MMGT1: variants seen among roughly 807,000 people sequenced by gnomAD.
MMGT1 encodes membrane magnesium transporter 1, also known as ER membrane protein complex subunit 5.
Under a neutral mutation model 11.7 loss-of-function variants are expected in MMGT1, and 2 were observed. The observed-to-expected ratio is 0.17, with a 90% CI of 0.07 to 0.54. MMGT1 has a LOEUF of 0.54. MMGT1 is among the 20% of genes least tolerant of loss of function. The pLI is 0.94. For missense variants in MMGT1, 74 were observed against 109.0 expected (o/e 0.68, Z 1.43); for synonymous variants, 49 against 44.4 (o/e 1.10, Z -0.41).
In MMGT1 at chrX:135,960,738, C is replaced by T. The variant is rs1218610724; in HGVS notation, c.*4286G>A. On this transcript the variant is annotated 3_prime_UTR_variant, in exon 4 of 4. Coordinates refer to ENST00000305963, the MANE Select transcript of MMGT1 (RefSeq NM_173470.3). ...CATGACAATGGACCAATTTTCTTAG[C>T]TTACAAAAAGCTCATACAAATCAAT... 1.8e-5 allele frequency among the ~76,000 whole-genome samples: 2 copies of T among 111,632 alleles called. No homozygotes were observed. The highest frequency in any genetic ancestry group is 3.8e-5 in the Non-Finnish European group (2 of 53,057).
In MMGT1 at chrX:135,964,922, G is replaced by A; in HGVS notation, c.*102C>T. ...TTTTTTTACTAAAGTAGGTCTGAAA[G>A]ATCAATATAAATACTAATGGGGGCA... On this transcript the variant is annotated 3_prime_UTR_variant, in exon 4 of 4. Transcript: ENST00000305963. 1.4e-6 allele frequency: 1 copy of A among 707,952 alleles called. No homozygotes were observed. The highest frequency in any genetic ancestry group is 3.1e-5 in the Admixed American group (1 of 32,484). The allele number at this position is 707,952 out of a possible 1,213,427, so 58.3% of individuals were successfully genotyped here. A position where few individuals can be genotyped will look rare whatever the true frequency, so the allele number is the denominator to read the frequency against.
chrX:135,963,343 T>G lies in MMGT1; in HGVS notation c.*1681A>C, dbSNP rs1324420777. 9.0e-6 allele frequency: 1 copy of G among 111,689 alleles called. No individual in the cohort carries two copies. The highest frequency in any genetic ancestry group is 1.9e-5 in the Non-Finnish European group (1 of 53,114). 9.2% of individuals were successfully genotyped at this position (111,689 alleles called of 1,213,427 possible). On this transcript the variant is annotated 3_prime_UTR_variant, in exon 4 of 4. Coordinates refer to ENST00000305963, the MANE Select transcript of MMGT1 (RefSeq NM_173470.3). The stretch of plus-strand genomic sequence containing the variant: ...ACAAACATATTAAGAAACGAAGACA[T>G]ACCCCAAAGAGAAGGAAACAAGAGG...
At position 135,962,475 on chromosome X, in the gene MMGT1, C is replaced by T. The variant is rs1556611515; in HGVS notation, c.*2549G>A. 1 of 111,875 alleles carries T rather than the reference C, an allele frequency of 8.9e-6. No homozygotes were observed. Among genetic ancestry groups the T allele is most frequent in the Non-Finnish European group, 1.9e-5 (1 of 53,178 alleles). The allele number at this position is 111,875 out of a possible 1,213,427, so 9.2% of individuals were successfully genotyped here. ...AGCTCACATCATATTTTTGAACTAC[C>T]CTAGGCAATAATTGACTGTCTCACA... On this transcript the variant is annotated 3_prime_UTR_variant, in exon 4 of 4. Transcript: ENST00000305963.
chrX:135,966,555 A>C (rs782814166), intron 3 of MMGT1, among the ~76,000 whole-genome samples: 1 of 112,218 alleles, frequency 8.9e-6, no homozygotes, highest in African/African-American at 3.2e-5. Flanking sequence ...AAATCATGCC[A>C]CTGCACTCCA....
chrX:135,968,313 AAAGTT>A (rs1455462934), intron 2 of MMGT1, among the ~76,000 whole-genome samples: 9 of 111,363 alleles, frequency 8.1e-5, no homozygotes, highest in South Asian at 3.7e-4. Flanking sequence ...CTTCCCTCTC[AAAGTT>A]AACTATGGTC....
At position 135,964,289 on chromosome X, in the gene MMGT1, A is replaced by C. The variant is rs1354943988; in HGVS notation, c.*735T>G. 3 of 113,241 alleles carry C rather than the reference A, an allele frequency of 2.6e-5. No individual in the cohort carries two copies. Among genetic ancestry groups the C allele is most frequent in the African/African-American group, 9.6e-5 (3 of 31,210 alleles). The allele number at this position is 113,241 out of a possible 1,213,427, so 9.3% of individuals were successfully genotyped here. A position where few individuals can be genotyped will look rare whatever the true frequency, so the allele number is the denominator to read the frequency against. ...GTCTTCAACTATTCTTACACTATAT[A>C]ATCAATTAGGGAAATTTTTACAGAC... On this transcript the variant is annotated 3_prime_UTR_variant, in exon 4 of 4. Coordinates refer to ENST00000305963, the MANE Select transcript of MMGT1 (RefSeq NM_173470.3).
chrX:135,969,088 T>A (rs2089202743), intron 2 of MMGT1, among the ~76,000 whole-genome samples: 1 of 110,240 alleles, frequency 9.1e-6, no homozygotes, highest in African/African-American at 3.3e-5. Flanking sequence ...AACATGGGAT[T>A]ATGGGCATGT....
chrX:135,963,912 A>T lies in MMGT1; in HGVS notation c.*1112T>A, dbSNP rs782333160. 209 of 112,800 alleles carry T rather than the reference A, an allele frequency of 1.9e-3. 3 individuals carry two copies. The highest frequency in any genetic ancestry group is 4.7e-4 in the Non-Finnish European group (25 of 53,302). The allele number at this position is 112,800 out of a possible 1,213,427, so 9.3% of individuals were successfully genotyped here. On this transcript the variant is annotated 3_prime_UTR_variant, in exon 4 of 4. Coordinates refer to ENST00000305963, the MANE Select transcript of MMGT1 (RefSeq NM_173470.3). ...AGCCAATTTCCTTAAAAGTAAAATT[A>T]CTGTTTCTAAAAATATCAACTCTGT...
At chrX:135,972,983 G>A (rs2089228209) in intron 1 of MMGT1, among the ~76,000 whole-genome samples, 1 of 111,960 alleles carries the variant, frequency 8.9e-6, no homozygotes, top group Non-Finnish European at 1.9e-5. Context: ...ACTGGCTCAG[G>A]GCATCACTGT....
Position 135,964,825 on chromosome X carries a change from A to G in MMGT1, c.*199T>C, listed in dbSNP as rs1198329549. Reference sequence around the variant, plus strand: ...AAAAATAATTCCTATATGAAATACCAAAGACTCATTTCACATATAACTTAC... The same window carrying G: ...AAAAATAATTCCTATATGAAATACCGAAGACTCATTTCACATATAACTTAC... On this transcript the variant is annotated 3_prime_UTR_variant, in exon 4 of 4. Coordinates refer to ENST00000305963, the MANE Select transcript of MMGT1 (RefSeq NM_173470.3). 6.1e-6 allele frequency: 2 copies of G among 327,401 alleles called. No homozygotes were observed. The highest frequency in any genetic ancestry group is 9.4e-5 in the Admixed American group (2 of 21,192). The allele number at this position is 327,401 out of a possible 1,213,427, so 27.0% of individuals were successfully genotyped here.
intron 2 of MMGT1, among the ~76,000 whole-genome samples, chrX:135,970,046 G>C (rs1556612441): frequency 1.8e-5 from 2 of 112,031 alleles, no homozygotes. Flanking sequence ...AGTGATGCTG[G>C]AATACTTATC....
Position 135,961,226 on chromosome X carries a change from T to C in MMGT1, c.*3798A>G, listed in dbSNP as rs781865053. On this transcript the variant is annotated 3_prime_UTR_variant, in exon 4 of 4. Coordinates refer to ENST00000305963, the MANE Select transcript of MMGT1 (RefSeq NM_173470.3). ...TGAACATTTGTAACACATTCAAACA[T>C]TAGAATACCACACAGCCGCTAAAAA... is the stretch of plus-strand genomic sequence containing the variant. 1.3e-4 allele frequency among the ~76,000 whole-genome samples: 15 copies of C among 111,694 alleles called. No individual in the cohort carries two copies. In the Admixed American group the frequency reaches 1.4e-3, roughly 11 times the overall value.
chrX:135,961,449 G>T lies in MMGT1; in HGVS notation c.*3575C>A, dbSNP rs1454345773. Among the ~76,000 whole-genome samples, 1 of 111,397 alleles carries T rather than the reference G, an allele frequency of 9.0e-6. No homozygotes were observed. Among genetic ancestry groups the T allele is most frequent in the Non-Finnish European group, 1.9e-5 (1 of 53,027 alleles). ...TGAAACTGGTTACTTTTGGAGAGGA[G>T]TATTAGGGTAGGAGGGAAGGGACCA... On this transcript the variant is annotated 3_prime_UTR_variant, in exon 4 of 4. Transcript: ENST00000305963.
At chrX:135,970,902 C>T (rs1157396892) in intron 2 of MMGT1, among the ~76,000 whole-genome samples, 156 bp downstream of exon 2, 5 of 110,383 alleles carry the variant, frequency 4.5e-5, no homozygotes, top group Admixed American at 3.9e-4. Context: ...GAGTGAGACT[C>T]CGTCTCAAAA....
chrX:135,965,269 T>C, intron 3 of MMGT1, 86 bp from the exon 4 acceptor site: 2 of 709,086 alleles, frequency 2.8e-6, no homozygotes, highest in Non-Finnish European at 4.3e-6. Flanking sequence ...GAATTATCAA[T>C]TTACTATGGG....
rs782252529 is a variant in MMGT1, at chrX:135,968,826, G to A, written c.133-1333C>T. Among the ~76,000 whole-genome samples the A allele has an allele frequency of 5.4e-5, 6 of 111,527 alleles. No homozygotes were observed. In the South Asian group the frequency reaches 1.5e-3, roughly 27 times the overall value. ...ATTACAGGCATGAGCCACCGTGCTC[G>A]GCCAGTTTTCACTGTGCTTTGTATT... On this transcript the variant is annotated intron_variant, in intron 2 of 3. Transcript: ENST00000305963.
At chrX:135,966,165 G>T in intron 3 of MMGT1, among the ~76,000 whole-genome samples, 1 of 112,017 alleles carries the variant, frequency 8.9e-6, no homozygotes, top group Non-Finnish European at 1.9e-5. Flanking sequence ...GGCCTTTATG[G>T]TTTTTGTTTT....
chrX:135,969,144 A>ATG (rs10679302), intron 2 of MMGT1, among the ~76,000 whole-genome samples: 1,126 of 99,812 alleles, frequency 0.011, 7 homozygotes, highest in African/African-American at 0.028. Flanking sequence ...AAATATGTGT[A>ATG]TGTGTGTGTG....
In MMGT1 at chrX:135,964,790, A is replaced by G; in HGVS notation, c.*234T>C. ...TTTACAAAAGATGTGGATTTGTTTT[A>G]AATGAAAAAAAAAATAATTCCTATA... On this transcript the variant is annotated 3_prime_UTR_variant, in exon 4 of 4. Transcript: ENST00000305963. The G allele has an allele frequency of 3.7e-6, 1 of 267,331 alleles. No individual in the cohort carries two copies. The allele number at this position is 267,331 out of a possible 1,213,427, so 22.0% of individuals were successfully genotyped here.
Sources: gnomAD v4.1 joint callset for allele counts (sites outside exome capture counted in the v4.1 genomes callset) on GRCh38, gnomAD v4.1.1 for gene constraint, MANE v1.5 for transcripts, NCBI Gene and HGNC (gene_info 2026-07-23, HGNC 2026-07-21) for gene names.